TBC1D5: variants seen among roughly 807,000 people sequenced by gnomAD.
TBC1D5 encodes TBC1 domain family member 5, also known as TBC1 domain family, member 5.
TBC1D5 carries 75 observed loss-of-function variants against 100.3 expected under a neutral mutation model. The ratio of observed to expected loss-of-function variants is 0.75; its 90% CI spans 0.62 to 0.91. TBC1D5 has a LOEUF of 0.91. Among genes scored for constraint, TBC1D5 ranks in the 40% least tolerant of loss-of-function variants. The pLI is 0.00. For synonymous variants in TBC1D5, 323 were observed against 325.6 expected, an observed-to-expected ratio of 0.99 and a Z score of 0.09; for missense variants, 910 against 942.4, an observed-to-expected ratio of 0.97 and a Z score of 0.45.
intron 21 of TBC1D5, among the ~76,000 whole-genome samples, chr3:17,161,495 C>T (rs2066050281): frequency 6.6e-6 from 1 of 152,254 alleles, no homozygotes; most frequent in African/African-American, 2.4e-5. Flanking sequence ...CCTGGGGGAA[C>T]AAAGTAAAGC....
intron 13 of TBC1D5, among the ~76,000 whole-genome samples, chr3:17,326,835 TCTCA>T (rs1421051405): frequency 1.3e-5 from 2 of 152,166 alleles, no homozygotes; most frequent in East Asian, 1.9e-4. Context: ...CTCTTGCTCC[TCTCA>T]CTATCTTTCT....
chr3:17,345,070 G>A (rs1461360736), intron 13 of TBC1D5, among the ~76,000 whole-genome samples: 1 of 152,014 alleles, frequency 6.6e-6, no homozygotes, highest in African/African-American at 2.4e-5. Flanking sequence ...TTGACAAATG[G>A]GATCTATTTA....
At chr3:17,177,371 CA>C (rs1415951207) in intron 19 of TBC1D5, among the ~76,000 whole-genome samples, 2 of 152,140 alleles carry the variant, frequency 1.3e-5, no homozygotes, top group Non-Finnish European at 2.9e-5. Flanking sequence ...ATAATAAAAC[CA>C]GGGGGAAACA....
chr3:17,346,410 C>T (rs1475525395), intron 13 of TBC1D5, among the ~76,000 whole-genome samples: 1 of 152,104 alleles, frequency 6.6e-6, no homozygotes, highest in Non-Finnish European at 1.5e-5. Flanking sequence ...CTAAAACTGT[C>T]TGTACCACCT....
chr3:17,637,764 G>A (rs1205721241), intron 1 of TBC1D5, among the ~76,000 whole-genome samples: 2 of 152,138 alleles, frequency 1.3e-5, no homozygotes, highest in Admixed American at 6.5e-5. Context: ...ATGTTATCAC[G>A]TACCACTGGG....
rs1196669682 is a variant in TBC1D5 at position 17,498,225 on chromosome 3, T to G, written c.97+10249A>C. Among the ~76,000 whole-genome samples the G allele has an allele frequency of 2.0e-5, 3 of 152,044 alleles. No individual in the cohort carries two copies. The East Asian group carries it at 5.8e-4, about 29-fold the overall frequency. ...CATATGAGATTCCTTCTTAGGAAAT[T>G]CAAGGAGCTACCCAAACTCCAGAAT... On this transcript the variant is annotated intron_variant, in intron 3 of 21. Transcript: ENST00000253692.
At chr3:17,338,603 G>T (rs550280324) in intron 13 of TBC1D5, 1 of 152,166 alleles carries the variant, frequency 6.6e-6, no homozygotes, top group Non-Finnish European at 1.5e-5. Context: ...ATATGGAGAT[G>T]AGTATATTTT....
In TBC1D5 at chr3:17,407,322, T is replaced by C. The variant is rs1366677830; in HGVS notation, c.168-796A>G. On this transcript the variant is annotated intron_variant, in intron 4 of 21. Transcript: ENST00000253692. Reference sequence around the variant, plus strand: ...TGAGTTTGAATAAAGCAATTAGACCTATATTCCCTGCATCTTGCACCAAAC... The same window carrying C: ...TGAGTTTGAATAAAGCAATTAGACCCATATTCCCTGCATCTTGCACCAAAC... Among the ~76,000 whole-genome samples the C allele has an allele frequency of 2.0e-5, 3 of 152,194 alleles. No individual in the cohort carries two copies. The East Asian group carries it at 5.8e-4, about 29-fold the overall frequency.
At chr3:17,485,308 T>TTTTA (rs1559992872) in intron 3 of TBC1D5, among the ~76,000 whole-genome samples, 2 of 148,372 alleles carry the variant, frequency 1.3e-5, no homozygotes, top group Non-Finnish European at 3.0e-5. Flanking sequence ...ATTTTATTTT[T>TTTTA]TTTACATTTA....
chr3:17,505,614 TTTAA>T (rs1214239895), intron 3 of TBC1D5, among the ~76,000 whole-genome samples: 2 of 152,220 alleles, frequency 1.3e-5, no homozygotes, highest in Non-Finnish European at 2.9e-5. Context: ...AACAATATTA[TTTAA>T]TTAATAGGTT....
intron 4 of TBC1D5, among the ~76,000 whole-genome samples, chr3:17,408,871 TCAAA>T (rs2093846462): frequency 6.6e-6 from 1 of 152,156 alleles, no homozygotes; most frequent in Non-Finnish European, 1.5e-5. Context: ...CACTCCAACA[TCAAA>T]CAAATATTCA....
At chr3:17,722,015 A>C (rs1348705515) in intron 1 of TBC1D5, among the ~76,000 whole-genome samples, 1 of 152,168 alleles carries the variant, frequency 6.6e-6, no homozygotes, top group African/African-American at 2.4e-5. Context: ...ACTAATAATA[A>C]TAATAATGTG....
chr3:17,639,233 C>A (rs1414310129), intron 1 of TBC1D5, among the ~76,000 whole-genome samples: 1 of 152,046 alleles, frequency 6.6e-6, no homozygotes, highest in South Asian at 2.1e-4. Flanking sequence ...AATAGACAAA[C>A]TTCAAAAACA....
intron 13 of TBC1D5, among the ~76,000 whole-genome samples, chr3:17,369,640 A>G (rs778768728): frequency 2.0e-5 from 3 of 152,136 alleles, no homozygotes; most frequent in Admixed American, 1.3e-4. Flanking sequence ...ATGTGCCACC[A>G]TGCCTGGCTT....
chr3:17,634,393 C>CA, intron 1 of TBC1D5, among the ~76,000 whole-genome samples: 1 of 151,726 alleles, frequency 6.6e-6, no homozygotes, highest in East Asian at 1.9e-4. Context: ...TATTCAGCCA[C>CA]AAAAAAAGAA....
At chr3:17,712,761 G>T (rs1002229758) in intron 1 of TBC1D5, among the ~76,000 whole-genome samples, 7 of 152,094 alleles carry the variant, frequency 4.6e-5, no homozygotes, top group African/African-American at 1.4e-4. Flanking sequence ...ACAGTATAAA[G>T]CATAAAGGAG....
chr3:17,730,155 G>A, intron 1 of TBC1D5, among the ~76,000 whole-genome samples: 1 of 152,132 alleles, frequency 6.6e-6, no homozygotes, highest in East Asian at 1.9e-4. Context: ...TGATTCTTAA[G>A]AAGACGAAAG....
At chr3:17,729,721 C>T (rs1266538583) in intron 1 of TBC1D5, among the ~76,000 whole-genome samples, 2 of 151,872 alleles carry the variant, frequency 1.3e-5, no homozygotes, top group African/African-American at 4.8e-5. Flanking sequence ...AACAAACAAA[C>T]AAAATTAGGA....
chr3:17,533,509 AT>A (rs2096253676), intron 2 of TBC1D5, among the ~76,000 whole-genome samples: 1 of 152,220 alleles, frequency 6.6e-6, no homozygotes, highest in Admixed American at 6.5e-5. Flanking sequence ...AAACTGCTTT[AT>A]GAAGTAAAAA....
Sources: allele counts gnomAD v4.1 joint callset (sites outside exome capture counted in the v4.1 genomes callset), GRCh38; gene constraint gnomAD v4.1.1; transcripts MANE v1.5; gene names NCBI Gene and HGNC (gene_info 2026-07-23, HGNC 2026-07-21).